The following PXDN variants were observed in gnomAD, a reference collection of about 807,000 sequenced individuals.
PXDN encodes peroxidasin homolog.
In PXDN, 77 loss-of-function variants were observed where a neutral mutation model predicts 140.3. The ratio of observed to expected loss-of-function variants is 0.55; its 90% CI spans 0.46 to 0.66. The LOEUF is 0.66. PXDN is among the 30% of genes least tolerant of loss of function. PXDN has a pLI of 0.00. For synonymous variants in PXDN, 911 were observed against 857.4 expected (o/e 1.06, Z -1.09); for missense variants, 1,838 against 2,039.5 (o/e 0.90, Z 1.90).
chr2:1,638,830 C>T lies in PXDN; in HGVS notation c.4206+16G>A. Reference sequence around the variant, plus strand: ...GAATCTTGGAGTGGGGGGACACAGGCCGCCAGGCACCTCACCTGTGTTCTG... The same window carrying T: ...GAATCTTGGAGTGGGGGGACACAGGTCGCCAGGCACCTCACCTGTGTTCTG... On this transcript the variant is annotated intron_variant, in intron 21 of 22. Coordinates refer to ENST00000252804, the MANE Select transcript of PXDN (RefSeq NM_012293.3). The T allele has an allele frequency of 1.2e-6, 2 of 1,613,878 alleles. No individual in the cohort carries two copies. Among genetic ancestry groups the T allele is most frequent in the Non-Finnish European group, 1.7e-6 (2 of 1,179,844 alleles).
chr2:1,679,494 GGT>G lies in PXDN; in HGVS notation c.730+697_730+698del, dbSNP rs146809945. Among the ~76,000 whole-genome samples the G allele has an allele frequency of 2.6e-3, 393 of 149,084 alleles. 4 individuals carry two copies. The highest frequency in any genetic ancestry group is 9.1e-3 in the African/African-American group (369 of 40,388). On this transcript the variant is annotated intron_variant, in intron 7 of 22. Transcript: ENST00000252804. Reference sequence around the variant, plus strand: ...GTCTATAAATGGTTTGTGTGTAAATGGTGTGTGTGTGTATGTGCGTGTGTGTG... The same window carrying G: ...GTCTATAAATGGTTTGTGTGTAAATGGTGTGTGTGTATGTGCGTGTGTGTG...
Position 1,639,734 on chromosome 2 carries a change from G to A in PXDN, c.3953-312C>T, listed in dbSNP as rs1385562081. Among the ~76,000 whole-genome samples, 1 of 152,186 alleles carries A rather than the reference G, an allele frequency of 6.6e-6. No individual in the cohort carries two copies. The highest frequency in any genetic ancestry group is 1.5e-5 in the Non-Finnish European group (1 of 68,030). ...CGCGGAGTTCCCTCCACCCACAGAT[G>A]GAGGCTCAGGCACTCTGCCTCGGAG... On this transcript the variant is annotated intron_variant, in intron 19 of 22. Coordinates refer to ENST00000252804, the MANE Select transcript of PXDN (RefSeq NM_012293.3). The surrounding 1 kb of genome is among the most constrained non-coding windows in gnomAD (Gnocchi z 5.0).
At chr2:1,724,381 T>C (rs1685128060) in intron 1 of PXDN, among the ~76,000 whole-genome samples, 2 of 151,468 alleles carry the variant, frequency 1.3e-5, no homozygotes, top group Non-Finnish European at 2.9e-5. Context: ...CTTTTTATAG[T>C]AGGTTCTTTT....
intron 1 of PXDN, among the ~76,000 whole-genome samples, chr2:1,720,994 A>T (rs1246354408): frequency 6.6e-6 from 1 of 152,112 alleles, no homozygotes; most frequent in East Asian, 1.9e-4. Flanking sequence ...TGCTCCGGGG[A>T]GGTCAGCCTT....
chr2:1,674,730 A>T (rs1332815517), intron 8 of PXDN, among the ~76,000 whole-genome samples: 1 of 152,212 alleles, frequency 6.6e-6, no homozygotes, highest in Non-Finnish European at 1.5e-5. Context: ...ACAGAGTAAG[A>T]ACAGCCAGGC....
At position 1,654,419 on chromosome 2, in the gene PXDN, G is replaced by T. The variant is rs756846388; in HGVS notation, c.1927C>A (p.Arg643=). 6.2e-7 allele frequency: 1 copy of T among 1,612,914 alleles called. No homozygotes were observed. The highest frequency in any genetic ancestry group is 1.7e-5 in the Admixed American group (1 of 60,000). ...CGATACCTGTCAAACAAATGTGTTC[G>T]GGTTGAGTTTATAGCTCTGTCAACA... ...ATVDRAINST[R]THLFDSRPRS... The change falls in exon 15 of 23, where the codon CGA becomes AGA. Residue 643 remains arginine (R), a synonymous_variant. Transcript: ENST00000252804.
intron 13 of PXDN, 94 bp from the exon 14 acceptor site, chr2:1,661,131 G>T: frequency 6.8e-7 from 1 of 1,459,942 alleles, no homozygotes; most frequent in South Asian, 1.3e-5. Context: ...CATTTGTTAG[G>T]ATTTGCAAAT....
In PXDN at chr2:1,632,203, C is replaced by T. The variant is rs891692606; in HGVS notation, c.*2001G>A. On this transcript the variant is annotated 3_prime_UTR_variant, in exon 23 of 23. Coordinates refer to ENST00000252804, the MANE Select transcript of PXDN (RefSeq NM_012293.3). This position sits in a 1 kb window ranked among gnomAD's most constrained non-coding sequence, Gnocchi z 4.3. ...AGTCAGCTTCCCCCTTTGGCTTAGA[C>T]AACACAATTCCTTGTGACTGGCCCA... 1.3e-5 allele frequency: 2 copies of T among 152,126 alleles called. No individual in the cohort carries two copies. The highest frequency in any genetic ancestry group is 2.9e-5 in the Non-Finnish European group (2 of 68,024). 9.4% of individuals were successfully genotyped at this position (152,126 alleles called of 1,614,324 possible).
chr2:1,682,349 G>GA lies in PXDN; in HGVS notation c.560+1306dup, dbSNP rs541773499. Reference sequence around the variant, plus strand: ...GGCTTGTGGTATTTTTATCCTAAAGGAAAAAAAAAATCACATATAGTTCTG... The same window carrying GA: ...GGCTTGTGGTATTTTTATCCTAAAGGAAAAAAAAAAATCACATATAGTTCTG... On this transcript the variant is annotated intron_variant, in intron 6 of 22. Transcript: ENST00000252804. 9.6e-3 allele frequency among the ~76,000 whole-genome samples: 1,433 copies of GA among 149,276 alleles called. 11 individuals are homozygous for GA. Among genetic ancestry groups the GA allele is most frequent in the Middle Eastern group, 0.031 (9 of 290 alleles).
chr2:1,697,392 A>C (rs1684322210), intron 1 of PXDN, among the ~76,000 whole-genome samples: 1 of 152,138 alleles, frequency 6.6e-6, no homozygotes, highest in African/African-American at 2.4e-5. Flanking sequence ...AATAAATGTA[A>C]AGCTAAACTC....
At chr2:1,743,094 C>A (rs529250648) in intron 1 of PXDN, among the ~76,000 whole-genome samples, 148 of 152,330 alleles carry the variant, frequency 9.7e-4, no homozygotes, top group Non-Finnish European at 1.6e-3. Context: ...GTTCACAGAT[C>A]CCGAAAATGT....
rs2125432388 is a variant in PXDN at position 1,671,474 on chromosome 2, G to A, written c.1018+2169C>T. 2.0e-5 allele frequency among the ~76,000 whole-genome samples: 3 copies of A among 151,918 alleles called. No homozygotes were observed. In the Middle Eastern group the frequency reaches 0.01, roughly 524 times the overall value. ...ATCTCAAATATATGCACATGGAAAG[G>A]CTCGGAGAAAAATGGTGGGAAAAGA... On this transcript the variant is annotated intron_variant, in intron 9 of 22. Transcript: ENST00000252804.
intron 1 of PXDN, among the ~76,000 whole-genome samples, chr2:1,710,424 A>T (rs2125467824): frequency 6.6e-6 from 1 of 152,196 alleles, no homozygotes; most frequent in Admixed American, 6.5e-5. Context: ...AGGAGGTGTG[A>T]AGCCTTTGGA....
At chr2:1,718,948 G>T (rs749408159) in intron 1 of PXDN, among the ~76,000 whole-genome samples, 1 of 152,260 alleles carries the variant, frequency 6.6e-6, no homozygotes, top group Non-Finnish European at 1.5e-5. Flanking sequence ...AGGAAGCCCA[G>T]CCCCGAAGAC....
At chr2:1,683,749 C>G in intron 5 of PXDN, 22 bp from the exon 6 acceptor site, 10 of 1,558,752 alleles carry the variant, frequency 6.4e-6, no homozygotes, top group Non-Finnish European at 8.7e-6. Context: ...GATTTTATAA[C>G]AAACCAATTT....
intron 6 of PXDN, 118 bp from the exon 7 acceptor site, chr2:1,680,480 CGACATGGGGATGG>C: frequency 8.0e-7 from 1 of 1,256,738 alleles, no homozygotes; most frequent in South Asian, 1.3e-5. Context: ...GCCAGGCTTG[CGACATGGGGATGG>C]GACACGTCTC....
chr2:1,735,846 G>C (rs1434945736), intron 1 of PXDN, among the ~76,000 whole-genome samples: 4 of 152,172 alleles, frequency 2.6e-5, no homozygotes, highest in Non-Finnish European at 5.9e-5. Context: ...GGAAGTCCTA[G>C]ATGGCATCTT....
At chr2:1,676,813 T>G (rs913444252) in intron 8 of PXDN, 114 bp downstream of exon 8, 4 of 965,434 alleles carry the variant, frequency 4.1e-6, no homozygotes, top group Non-Finnish European at 3.3e-6. Flanking sequence ...TACTTTTCCC[T>G]ACGTGGAGGA....
rs1051685858 is a variant in PXDN at position 1,675,083 on chromosome 2, C to G, written c.849-1271G>C. Reference sequence around the variant, plus strand: ...TGGCACCAATCCCCCAACTTGCAATCTGTCCTTACCCACAGGGATTGCTGG... The same window carrying G: ...TGGCACCAATCCCCCAACTTGCAATGTGTCCTTACCCACAGGGATTGCTGG... On this transcript the variant is annotated intron_variant, in intron 8 of 22. Transcript: ENST00000252804. 2.0e-5 allele frequency among the ~76,000 whole-genome samples: 3 copies of G among 152,210 alleles called. No homozygotes were observed. In the East Asian group the frequency reaches 5.8e-4, roughly 29 times the overall value.
Sources: allele counts gnomAD v4.1 joint callset (sites outside exome capture counted in the v4.1 genomes callset), GRCh38; gene constraint gnomAD v4.1.1; non-coding constraint Gnocchi (gnomAD v3.1); transcripts MANE v1.5; gene names NCBI Gene and HGNC (gene_info 2026-07-23, HGNC 2026-07-21).